Variants in ARHGEF9 observed in about 807,000 individuals in gnomAD.
ARHGEF9 encodes Cdc42 guanine nucleotide exchange factor 9, also known as rho guanine nucleotide exchange factor 9.
In ARHGEF9, 2 loss-of-function variants were observed where a neutral mutation model predicts 41.3. The observed-to-expected ratio is 0.05, with a 90% CI of 0.02 to 0.15. The LOEUF (loss-of-function observed/expected upper bound fraction) is 0.15, where lower values mean the gene tolerates loss of function less well. Ranked by LOEUF, ARHGEF9 falls within the 10% of genes least tolerant of loss-of-function variation. The probability of loss-of-function intolerance (pLI) is 1.00; values close to 1 mark genes in which losing one functional copy is unlikely to be tolerated. For missense variants in ARHGEF9, 225 were observed against 424.7 expected (o/e 0.53, Z 4.13); for synonymous variants, 160 against 154.4 (o/e 1.04, Z -0.27).
intron 4 of ARHGEF9, among the ~76,000 whole-genome samples, chrX:63,692,070 G>A (rs1418702910): frequency 5.4e-5 from 6 of 111,696 alleles, no homozygotes; most frequent in Admixed American, 1.9e-4. Context: ...ATAGATGAAC[G>A]ACTTAAACGT....
intron 8 of ARHGEF9, among the ~76,000 whole-genome samples, chrX:63,648,766 C>T (rs1422142156): frequency 9.0e-6 from 1 of 110,632 alleles, no homozygotes; most frequent in African/African-American, 3.3e-5. Context: ...ATCTACCAAG[C>T]AAATGGAAAA....
At chrX:63,697,403 T>A in intron 3 of ARHGEF9, 99 bp from the exon 4 acceptor site, 1 of 746,334 alleles carries the variant, frequency 1.3e-6, no homozygotes. Context: ...TCCCAAGAAG[T>A]AGGCATGGAA....
chrX:63,730,447 T>G, intron 1 of ARHGEF9, among the ~76,000 whole-genome samples: 1 of 111,731 alleles, frequency 9.0e-6, no homozygotes, highest in Non-Finnish European at 1.9e-5. Context: ...ATGGAACCAG[T>G]CAAATGGCAG....
At chrX:63,650,008 A>C (rs1300342965) in intron 8 of ARHGEF9, among the ~76,000 whole-genome samples, 1 of 112,066 alleles carries the variant, frequency 8.9e-6, no homozygotes, top group African/African-American at 3.2e-5. Context: ...AATAAAAGTG[A>C]AAATTAAGAA....
At chrX:63,719,835 A>C in intron 2 of ARHGEF9, 1 of 294,919 alleles carries the variant, frequency 3.4e-6, no homozygotes, top group Non-Finnish European at 5.9e-6. Flanking sequence ...CTGGCTGGAG[A>C]GGCTTTCCAG....
intron 4 of ARHGEF9, among the ~76,000 whole-genome samples, chrX:63,691,427 G>C (rs1200433786): frequency 2.2e-4 from 24 of 109,553 alleles, no homozygotes; most frequent in Non-Finnish European, 3.6e-4. Flanking sequence ...TTTAACCACA[G>C]AAGTGAAAGA....
intron 6 of ARHGEF9, chrX:63,670,474 A>C (rs2049883174): frequency 9.1e-6 from 1 of 110,027 alleles, no homozygotes; most frequent in Non-Finnish European, 1.9e-5. Flanking sequence ...GGAAATTACA[A>C]CCACACACAA....
intron 1 of ARHGEF9, chrX:63,755,749 G>T: frequency 1.9e-6 from 1 of 532,156 alleles, no homozygotes; most frequent in Non-Finnish European, 2.3e-6. Flanking sequence ...CAACAAACCA[G>T]TGTTGTGGAC....
chrX:63,692,230 T>C (rs1193331864), intron 4 of ARHGEF9, among the ~76,000 whole-genome samples: 1 of 111,975 alleles, frequency 8.9e-6, no homozygotes, highest in Non-Finnish European at 1.9e-5. Flanking sequence ...GCTAAAAAGC[T>C]TCTGCACAGC....
intron 1 of ARHGEF9, among the ~76,000 whole-genome samples, chrX:63,775,930 T>C (rs1197853231): frequency 1.8e-5 from 2 of 111,296 alleles, no homozygotes; most frequent in African/African-American, 6.5e-5. Context: ...ACCACGTTCT[T>C]GCTCCCCTAT....
chrX:63,714,634 A>C (rs1387073762), intron 2 of ARHGEF9, among the ~76,000 whole-genome samples: 1 of 112,090 alleles, frequency 8.9e-6, no homozygotes, highest in Non-Finnish European at 1.9e-5. Flanking sequence ...TTACCTCTGA[A>C]ATAGAAATAA....
chrX:63,755,320 C>T, intron 1 of ARHGEF9: 1 of 785,133 alleles, frequency 1.3e-6, no homozygotes, highest in African/African-American at 2.2e-5. Flanking sequence ...CAAGCAAGCT[C>T]GCTCTCCCCA....
chrX:63,755,078 C>G, intron 1 of ARHGEF9: 1 of 939,238 alleles, frequency 1.1e-6, no homozygotes. Context: ...GCCAGACACT[C>G]GTTCGATCCC....
chrX:63,780,383 G>A (rs1327881848), intron 1 of ARHGEF9, among the ~76,000 whole-genome samples: 1 of 111,081 alleles, frequency 9.0e-6, no homozygotes, highest in Non-Finnish European at 1.9e-5. Context: ...CTCTTACACA[G>A]GTCATATGGT....
intron 9 of ARHGEF9, chrX:63,638,592 C>T: frequency 3.1e-6 from 1 of 325,638 alleles, no homozygotes; most frequent in Non-Finnish European, 5.4e-6. Flanking sequence ...TCCAAGACAC[C>T]AGAATCCCTT....
chrX:63,646,385 C>A (rs1184045895), intron 8 of ARHGEF9, among the ~76,000 whole-genome samples: 1 of 111,950 alleles, frequency 8.9e-6, no homozygotes, highest in African/African-American at 3.2e-5. Context: ...AGTCTTTAAT[C>A]CATCTTGAAT....
intron 4 of ARHGEF9, among the ~76,000 whole-genome samples, chrX:63,682,252 C>T (rs1240169110): frequency 1.2e-4 from 13 of 111,573 alleles, no homozygotes; most frequent in Non-Finnish European, 2.3e-4. Flanking sequence ...CTGTGGCTCA[C>T]GCCTATAATC....
rs1351102321 is a variant in ARHGEF9, at chrX:63,754,246, C to T, written c.31-29535G>A. The T allele has an allele frequency of 1.2e-5, 14 of 1,148,651 alleles. No individual in the cohort carries two copies. In the Admixed American group the frequency reaches 2.2e-4, roughly 18 times the overall value. The allele number at this position is 1,148,651 out of a possible 1,213,427, so 94.7% of individuals were successfully genotyped here. On this transcript the variant is annotated intron_variant, in intron 1 of 9. Transcript: ENST00000671741. ...TTCACTCAAGCAATAGGCAACTATA[C>T]GCGCAGGCATTCTTAAAAGACAAGA...
At chrX:63,648,092 A>G (rs1200718506) in intron 8 of ARHGEF9, among the ~76,000 whole-genome samples, 1 of 111,247 alleles carries the variant, frequency 9.0e-6, no homozygotes, top group African/African-American at 3.3e-5. Flanking sequence ...TTCAGGAAAT[A>G]CAGAGAACAC....
Sources: gnomAD v4.1 joint callset for allele counts (sites outside exome capture counted in the v4.1 genomes callset) on GRCh38, gnomAD v4.1.1 for gene constraint, MANE v1.5 for transcripts, NCBI Gene and HGNC (gene_info 2026-07-23, HGNC 2026-07-21) for gene names.